The following IGSF9B variants were observed in gnomAD, a reference collection of about 807,000 sequenced individuals.
IGSF9B encodes protein turtle homolog B.
IGSF9B carries 48 observed loss-of-function variants against 143.7 expected under a neutral mutation model. The ratio of observed to expected loss-of-function variants is 0.33; its 90% CI spans 0.26 to 0.42. The LOEUF (loss-of-function observed/expected upper bound fraction) is 0.42, where lower values mean the gene tolerates loss of function less well. Among genes scored for constraint, IGSF9B ranks in the 20% least tolerant of loss-of-function variants. IGSF9B has a pLI of 1.00. For missense variants in IGSF9B, 1,706 were observed against 1,980.0 expected (o/e 0.86, Z 2.63); for synonymous variants, 903 against 833.1 (o/e 1.08, Z -1.44).
rs768193104 is a variant in IGSF9B, at chr11:133,931,744, T to C, written c.1162A>G (p.Thr388Ala). 1.2e-6 allele frequency: 2 copies of C among 1,612,080 alleles called. No homozygotes were observed. The highest frequency in any genetic ancestry group is 3.4e-5 in the Admixed American group (2 of 59,540). Residue 388 changes from threonine to alanine, a missense_variant, in exon 9 of 20, where the codon ACA (threonine) becomes GCA (alanine). Around this residue, in one of 7 missense-constraint regions of IGSF9B, gnomAD observed 238 missense variants for 452.6 expected, o/e 0.53. Transcript: ENST00000533871. This position sits in a 1 kb window ranked among gnomAD's most constrained non-coding sequence, Gnocchi z 7.7. ...EDGSIRIEEA[T>A]EEALGTYTCV... ...GTATAAGTGCCAAGAGCCTCCTCTGTGGCCTCCTCAATTCGAATGGAGCCA... is the reference window on the plus strand; with the variant it reads ...GTATAAGTGCCAAGAGCCTCCTCTGCGGCCTCCTCAATTCGAATGGAGCCA...
At chr11:133,922,360 C>T (rs1045625855) in intron 16 of IGSF9B, 138 bp from the exon 17 acceptor site, 3 of 957,790 alleles carry the variant, frequency 3.1e-6, no homozygotes, top group African/African-American at 3.3e-5. Flanking sequence ...TTGGCCCCTG[C>T]CTTCATGCTA....
chr11:133,920,401 G>C lies in IGSF9B; in HGVS notation c.3324C>G (p.Pro1108=), dbSNP rs376048306. 3 of 1,595,560 alleles carry C rather than the reference G, an allele frequency of 1.9e-6. No homozygotes were observed. Among genetic ancestry groups the C allele is most frequent in the African/African-American group, 1.3e-5 (1 of 74,198 alleles). The change falls in exon 18 of 20, where the codon CCC becomes CCG. Residue 1108 remains proline (P), a synonymous_variant. Transcript: ENST00000533871. ...EAPKGWAGKS[P]GRGPVPAPPA... ...GGGGCGCTGGGACAGGGCCCCTGCC[G>C]GGCGACTTGCCTGCCCAACCCTTCG... is the stretch of plus-strand genomic sequence containing the variant.
intron 18 of IGSF9B, among the ~76,000 whole-genome samples, chr11:133,914,068 G>T (rs932534382): frequency 6.6e-6 from 1 of 152,194 alleles, no homozygotes; most frequent in Admixed American, 6.5e-5. Flanking sequence ...ACTTCCAGGG[G>T]TGATATGATG....
In IGSF9B at chr11:133,902,329, CCACA is replaced by C. The variant is rs201386039; in HGVS notation, c.*6736_*6739del. 1.4e-5 allele frequency among the ~76,000 whole-genome samples: 2 copies of C among 147,688 alleles called. No individual in the cohort carries two copies. Among genetic ancestry groups the C allele is most frequent in the South Asian group, 4.4e-4 (2 of 4,562 alleles). ...ACACCACAGATACACACACACCATA[CCACA>C]CACACCCCACACACATACACAACCA... On this transcript the variant is annotated 3_prime_UTR_variant, in exon 20 of 20. Coordinates refer to ENST00000533871, the MANE Select transcript of IGSF9B (RefSeq NM_001277285.4).
At chr11:133,956,323 CAG>C (rs1468566099) in intron 1 of IGSF9B, among the ~76,000 whole-genome samples, 1 of 152,132 alleles carries the variant, frequency 6.6e-6, no homozygotes, top group Non-Finnish European at 1.5e-5. Context: ...CTCCCGCAGC[CAG>C]AGTTTCCCGC....
rs779291335 is a variant in IGSF9B at position 133,925,909 on chromosome 11, T to C, written c.1864A>G (p.Ile622Val). Residue 622 changes from isoleucine (I) to valine (V), a missense_variant, in exon 14 of 20, where the codon ATA becomes GTA. Ile to Val is a conservative substitution (Grantham distance 29). Coordinates refer to ENST00000533871, the MANE Select transcript of IGSF9B (RefSeq NM_001277285.4). The part of the protein sequence containing the change: ...LVLVTPPRCL[I>V]ANRTQQGVLL... Reference sequence around the variant, plus strand: ...ACACCCTGCTGAGTCCGATTGGCTATGAGGCACCTCGGTGGGGTGACCAGC... The same window carrying C: ...ACACCCTGCTGAGTCCGATTGGCTACGAGGCACCTCGGTGGGGTGACCAGC... 6.2e-7 allele frequency: 1 copy of C among 1,611,898 alleles called. No homozygotes were observed. The highest frequency in any genetic ancestry group is 8.5e-7 in the Non-Finnish European group (1 of 1,178,980).
chr11:133,950,796 G>C (rs1245536473), intron 1 of IGSF9B, among the ~76,000 whole-genome samples: 1 of 152,130 alleles, frequency 6.6e-6, no homozygotes. Context: ...GGGTCTGGCT[G>C]GTGGCTGGGG....
rs1940208301 is a variant in IGSF9B, at chr11:133,953,973, C to T, written c.64+2718G>A. Reference sequence around the variant, plus strand: ...CCCATTCCAACCTCTGTCCCGCACCCGAGGGCTGATGGAGTCGGGTCCCAA... The same window carrying T: ...CCCATTCCAACCTCTGTCCCGCACCTGAGGGCTGATGGAGTCGGGTCCCAA... On this transcript the variant is annotated intron_variant, in intron 1 of 19. Transcript: ENST00000533871. The surrounding 1 kb of genome is among the most constrained non-coding windows in gnomAD (Gnocchi z 4.2). Among the ~76,000 whole-genome samples the T allele has an allele frequency of 1.3e-5, 2 of 152,162 alleles. No homozygotes were observed. The highest frequency in any genetic ancestry group is 2.9e-5 in the Non-Finnish European group (2 of 68,028).
Position 133,937,888 on chromosome 11 carries a change from G to A in IGSF9B, c.483C>T (p.Cys161=). ...AKEGGSITMT[C]TAFGNPKPIV... Reference sequence around the variant, plus strand: ...TGGGCTTGGGGTTCCCAAAAGCTGTGCAGGTCATGGTGATACTACCACCCT... The same window carrying A: ...TGGGCTTGGGGTTCCCAAAAGCTGTACAGGTCATGGTGATACTACCACCCT... Residue 161 remains cysteine, a synonymous_variant, in exon 4 of 20, where the codon TGC becomes TGT. Coordinates refer to ENST00000533871, the MANE Select transcript of IGSF9B (RefSeq NM_001277285.4). 1 of 1,612,690 alleles carries A rather than the reference G, an allele frequency of 6.2e-7. No homozygotes were observed. Among genetic ancestry groups the A allele is most frequent in the Non-Finnish European group, 8.5e-7 (1 of 1,179,348 alleles).
rs778323736 is a variant in IGSF9B, at chr11:133,946,222, G to A, written c.101C>T (p.Thr34Met). The change falls in exon 2 of 20, where the codon ACG (threonine) becomes ATG (methionine). Residue 34 changes from threonine (T) to methionine (M), a missense_variant. Thr to Met is a moderately conservative substitution (Grantham distance 81). This residue lies in a region of IGSF9B where 171 missense variants were observed against 213.9 expected (regional missense o/e 0.80). Coordinates refer to ENST00000533871, the MANE Select transcript of IGSF9B (RefSeq NM_001277285.4). ...GACCACGCTCTCCCCAGCTCTTGCC[G>A]TCACAAACTCGGGCTCCTCTCGCAG... ...HGLREEPEFV[T>M]ARAGESVVLR... 17 of 1,613,642 alleles carry A rather than the reference G, an allele frequency of 1.1e-5. No homozygotes were observed. The highest frequency in any genetic ancestry group is 2.2e-5 in the East Asian group (1 of 44,844).
chr11:133,935,849 G>T, intron 6 of IGSF9B, 87 bp from the exon 7 acceptor site: 1 of 1,519,070 alleles, frequency 6.6e-7, no homozygotes, highest in Non-Finnish European at 8.9e-7. Context: ...CCCCAGATGT[G>T]GCATGGAGAG....
At position 133,937,377 on chromosome 11, in the gene IGSF9B, T is replaced by C; in HGVS notation, c.678A>G (p.Gln226=). Residue 226 remains glutamine, a splice_region_variant and synonymous_variant, in exon 5 of 20, where the codon CAA becomes CAG. Transcript: ENST00000533871. ...EAVHTTHLLV[Q]GPPFIVSPPE... ...AGAGGCTGAGGAAATGGCTCCTACC[T>C]TGGACAAGCAGGTGAGTCGTGTGGA... The C allele has an allele frequency of 6.2e-7, 1 of 1,608,320 alleles. No individual in the cohort carries two copies. The highest frequency in any genetic ancestry group is 1.1e-5 in the South Asian group (1 of 90,704).
rs763646616 is a variant in IGSF9B, at chr11:133,937,990, C to T, written c.410-29G>A. On this transcript the variant is annotated intron_variant, in intron 3 of 19. Transcript: ENST00000533871. The stretch of plus-strand genomic sequence containing the variant: ...CAAAGGAGACCACAAAGATGAAGGA[C>T]ACGCCATCAGCCACATCGCTGCCCT... The T allele has an allele frequency of 4.5e-5, 72 of 1,610,140 alleles. 1 individual carries two copies. In the South Asian group the frequency reaches 7.2e-4, roughly 16 times the overall value.
rs1939106753 is a variant in IGSF9B, at chr11:133,900,670, T to C, written c.*8399A>G. 6.6e-6 allele frequency: 1 copy of C among 152,544 alleles called. No homozygotes were observed. Among genetic ancestry groups the C allele is most frequent in the Non-Finnish European group, 1.5e-5 (1 of 68,048 alleles). The allele number at this position is 152,544 out of a possible 1,614,324, so 9.4% of individuals were successfully genotyped here. A position where few individuals can be genotyped will look rare whatever the true frequency, so the allele number is the denominator to read the frequency against. On this transcript the variant is annotated 3_prime_UTR_variant, in exon 20 of 20. Transcript: ENST00000533871. ...TCATCCTCCACTCAGTGTCCCAGGA[T>C]TGGAGCATCCTATTTGCAATGGCAC...
At chr11:133,946,773 C>T (rs916797128) in intron 1 of IGSF9B, among the ~76,000 whole-genome samples, 2 of 152,236 alleles carry the variant, frequency 1.3e-5, no homozygotes, top group South Asian at 4.1e-4. Context: ...CCTCCTCCAC[C>T]CCACCCCCAG....
intron 1 of IGSF9B, among the ~76,000 whole-genome samples, chr11:133,952,942 A>C (rs1318603162): frequency 6.6e-6 from 1 of 152,098 alleles, no homozygotes; most frequent in Non-Finnish European, 1.5e-5. Flanking sequence ...AGTACTCTGC[A>C]CCCCAACCTG....
chr11:133,944,286 C>G lies in IGSF9B; in HGVS notation c.343G>C (p.Val115Leu), dbSNP rs779775527. Reference sequence around the variant, plus strand: ...TCATACTGCTGGTCCAGCATGAGCACTTTGCACTCATACCAGCCCTGGTCC... The same window carrying G: ...TCATACTGCTGGTCCAGCATGAGCAGTTTGCACTCATACCAGCCCTGGTCC... ...SEDQGWYECK[V>L]LMLDQQYDTF... The change falls in exon 3 of 20, where the codon GTG (valine) becomes CTG (leucine). Residue 115 changes from valine to leucine, a missense_variant. Physicochemically the swap from Val to Leu is conservative, Grantham distance 32. Coordinates refer to ENST00000533871, the MANE Select transcript of IGSF9B (RefSeq NM_001277285.4). 1 of 1,613,954 alleles carries G rather than the reference C, an allele frequency of 6.2e-7. No homozygotes were observed. The highest frequency in any genetic ancestry group is 2.2e-5 in the East Asian group (1 of 44,876).
rs564054360 is a variant in IGSF9B, at chr11:133,903,391, C to T, written c.*5678G>A. ...GCTCTCCCAGCCAGGGCTCCAAAGC[C>T]GGTAGCTTTTCACCAGCTCTCGTCC... On this transcript the variant is annotated 3_prime_UTR_variant, in exon 20 of 20. Transcript: ENST00000533871. Among the ~76,000 whole-genome samples the T allele has an allele frequency of 2.0e-5, 3 of 152,270 alleles. No individual in the cohort carries two copies. The highest frequency in any genetic ancestry group is 4.1e-4 in the South Asian group (2 of 4,830).
At chr11:133,934,088 A>G (rs1185929113) in intron 7 of IGSF9B, among the ~76,000 whole-genome samples, 1 of 152,050 alleles carries the variant, frequency 6.6e-6, no homozygotes, top group East Asian at 1.9e-4. Flanking sequence ...CCACCTGTAA[A>G]TCTCAACCCC....
Sources: gnomAD v4.1 joint callset for allele counts (sites outside exome capture counted in the v4.1 genomes callset) on GRCh38, gnomAD v4.1.1 for gene constraint, gnomAD v4.1.1 regional missense constraint, Gnocchi (gnomAD v3.1) non-coding constraint, MANE v1.5 for transcripts, NCBI Gene and HGNC (gene_info 2026-07-23, HGNC 2026-07-21) for gene names.